ZMIZ1: variants seen among roughly 807,000 people sequenced by gnomAD.
ZMIZ1 encodes the protein zinc finger MIZ-type containing 1.
ZMIZ1 carries 17 observed loss-of-function variants against 113.9 expected under a neutral mutation model. That is an observed-to-expected ratio of 0.15 (90% CI 0.10 to 0.22). The LOEUF is 0.22. Among genes scored for constraint, ZMIZ1 ranks in the 10% least tolerant of loss-of-function variants. The pLI, the probability that ZMIZ1 is intolerant of heterozygous loss-of-function variation, is 1.00. For missense variants in ZMIZ1, 1,059 were observed against 1,477.8 expected, an observed-to-expected ratio of 0.72 and a Z score of 4.65; for synonymous variants, 607 against 603.1, an observed-to-expected ratio of 1.01 and a Z score of -0.09.
At chr10:79,092,028 G>A (rs1842996632) in intron 1 of ZMIZ1, among the ~76,000 whole-genome samples, 1 of 152,264 alleles carries the variant, frequency 6.6e-6, no homozygotes, top group Non-Finnish European at 1.5e-5. Flanking sequence ...CAGGGCTTAG[G>A]GGCTGGTGCT....
intron 7 of ZMIZ1, among the ~76,000 whole-genome samples, chr10:79,262,086 C>G (rs550722767): frequency 2.6e-5 from 4 of 152,182 alleles, no homozygotes; most frequent in Non-Finnish European, 5.9e-5. Flanking sequence ...TAAGAACTTG[C>G]TTATGTCCTG....
intron 1 of ZMIZ1, among the ~76,000 whole-genome samples, chr10:79,102,114 C>T (rs1405677148): frequency 6.6e-6 from 1 of 152,200 alleles, no homozygotes; most frequent in Non-Finnish European, 1.5e-5. Flanking sequence ...CTGGAGTCAC[C>T]AGCTTGTTCA....
chr10:79,117,333 C>T (rs704005), intron 1 of ZMIZ1, among the ~76,000 whole-genome samples: 131,561 of 152,336 alleles, frequency 0.86, 56,871 homozygotes, highest in Middle Eastern at 0.92. Context: ...CTATTACAGG[C>T]GTAGAGTCTT....
At chr10:79,146,081 A>G (rs951765668) in intron 3 of ZMIZ1, among the ~76,000 whole-genome samples, 1 of 152,088 alleles carries the variant, frequency 6.6e-6, no homozygotes, top group Non-Finnish European at 1.5e-5. Flanking sequence ...ATGCATCTGC[A>G]GTGAGTTTCT....
chr10:79,168,589 G>A (rs749972092), intron 4 of ZMIZ1, among the ~76,000 whole-genome samples: 3 of 152,258 alleles, frequency 2.0e-5, no homozygotes, highest in African/African-American at 2.4e-5. Context: ...ATAGCAACAA[G>A]GTGATGTCTA....
At chr10:79,231,867 C>T (rs1301893972) in intron 7 of ZMIZ1, among the ~76,000 whole-genome samples, 1 of 152,236 alleles carries the variant, frequency 6.6e-6, no homozygotes, top group African/African-American at 2.4e-5. Flanking sequence ...CATGAGCCAC[C>T]GTGCCCGGTC....
At chr10:79,071,825 A>G (rs911625121) in intron 1 of ZMIZ1, among the ~76,000 whole-genome samples, 7 of 152,054 alleles carry the variant, frequency 4.6e-5, no homozygotes, top group Non-Finnish European at 1.0e-4. Flanking sequence ...TTTTCTTCTG[A>G]GCTTTATGAT....
At chr10:79,209,300 G>A (rs1051686492) in intron 6 of ZMIZ1, among the ~76,000 whole-genome samples, 6 of 152,202 alleles carry the variant, frequency 3.9e-5, no homozygotes, top group African/African-American at 7.2e-5. Flanking sequence ...AGGAAGGGTC[G>A]AGGCTGCAAG....
At chr10:79,311,230 G>A (rs200966922) in intron 24 of ZMIZ1, 46 bp downstream of exon 24, 30 of 1,555,258 alleles carry the variant, frequency 1.9e-5, no homozygotes, top group East Asian at 6.8e-5. Context: ...TAGGCCTGGC[G>A]CCGGGACCTG....
intron 4 of ZMIZ1, among the ~76,000 whole-genome samples, chr10:79,167,431 G>A (rs962376426): frequency 2.0e-5 from 3 of 152,172 alleles, no homozygotes; most frequent in African/African-American, 7.2e-5. Context: ...AGGAAATCCT[G>A]CAGGTGAGTT....
intron 4 of ZMIZ1, among the ~76,000 whole-genome samples, chr10:79,178,233 GAACTGGGCA>G (rs1480046109): frequency 3.3e-5 from 5 of 152,224 alleles, no homozygotes; most frequent in Admixed American, 3.3e-4. Context: ...CCCCATCTGT[GAACTGGGCA>G]AATGGGCCCC....
intron 7 of ZMIZ1, among the ~76,000 whole-genome samples, chr10:79,276,417 C>T (rs1852293870): frequency 6.6e-6 from 1 of 152,184 alleles, no homozygotes; most frequent in Admixed American, 6.5e-5. Flanking sequence ...TCCCCAGTCC[C>T]CAGTTCATGT....
At chr10:79,117,609 G>A (rs1362174963) in intron 1 of ZMIZ1, among the ~76,000 whole-genome samples, 4 of 152,212 alleles carry the variant, frequency 2.6e-5, no homozygotes, top group Non-Finnish European at 5.9e-5. Flanking sequence ...ATGTCTTCTG[G>A]TGAACATATG....
At chr10:79,245,369 G>A (rs1343065325) in intron 7 of ZMIZ1, among the ~76,000 whole-genome samples, 4 of 152,216 alleles carry the variant, frequency 2.6e-5, no homozygotes, top group Non-Finnish European at 5.9e-5. Context: ...ATGCCAGTGG[G>A]CTCCCTGAAG....
chr10:79,278,188 GT>G (rs1484707519), intron 8 of ZMIZ1, among the ~76,000 whole-genome samples: 4 of 152,176 alleles, frequency 2.6e-5, no homozygotes, highest in Admixed American at 1.3e-4. Flanking sequence ...AAGGACCTTA[GT>G]GCTCATCATG....
chr10:79,164,057 C>T (rs776068746), intron 4 of ZMIZ1, among the ~76,000 whole-genome samples: 8 of 152,076 alleles, frequency 5.3e-5, no homozygotes, highest in Non-Finnish European at 1.2e-4. Flanking sequence ...GAAGAGAAAG[C>T]CTTGGTGGAA....
At chr10:79,173,919 C>T (rs11597824) in intron 4 of ZMIZ1, among the ~76,000 whole-genome samples, 29,089 of 152,056 alleles carry the variant, frequency 0.19, 3,155 homozygotes, top group Middle Eastern at 0.24. Flanking sequence ...AGCATCCACC[C>T]CAAGGGACCG....
intron 1 of ZMIZ1, among the ~76,000 whole-genome samples, chr10:79,088,063 T>A (rs1345816346): frequency 6.6e-6 from 1 of 152,222 alleles, no homozygotes; most frequent in Non-Finnish European, 1.5e-5. Flanking sequence ...CCAGAGCTGG[T>A]CGGCTTTGTG....
intron 11 of ZMIZ1, chr10:79,292,812 A>G (rs1410838362): frequency 2.2e-6 from 1 of 462,972 alleles, no homozygotes; most frequent in Non-Finnish European, 4.3e-6. Flanking sequence ...CTTCTGAAGG[A>G]TGGGTTAGGG....
Sources: allele counts gnomAD v4.1 joint callset (sites outside exome capture counted in the v4.1 genomes callset), GRCh38; gene constraint gnomAD v4.1.1; transcripts MANE v1.5; gene names NCBI Gene and HGNC (gene_info 2026-07-23, HGNC 2026-07-21).